Variants in PCSK5 observed in about 807,000 individuals in gnomAD.
PCSK5 encodes the protein prohormone convertase 5.
PCSK5 carries 129 observed loss-of-function variants against 233.2 expected under a neutral mutation model. The ratio of observed to expected loss-of-function variants is 0.55; its 90% confidence interval spans 0.48 to 0.64. The LOEUF (loss-of-function observed/expected upper bound fraction) is 0.64. PCSK5 is among the 30% of genes least tolerant of loss of function. The probability of loss-of-function intolerance (pLI) is 0.00; values close to 1 mark genes in which losing one functional copy is unlikely to be tolerated. For synonymous variants in PCSK5, 825 were observed against 879.2 expected, an observed-to-expected ratio of 0.94 and a Z score of 1.09; for missense variants, 2,076 against 2,430.1, an observed-to-expected ratio of 0.85 and a Z score of 3.06.
Position 75,976,155 on chromosome 9 carries a change from A to G in PCSK5, c.298-9977A>G, listed in dbSNP as rs115644469. Among the ~76,000 whole-genome samples, 1,486 of 152,186 alleles carry G rather than the reference A, an allele frequency of 9.8e-3. 31 individuals are homozygous for G. The highest frequency in any genetic ancestry group is 0.034 in the African/African-American group (1,428 of 41,522). ...GTAAGAACCTGAAATACAAGTTAGAAAATGGAAGGTTTGGGGATATAATCT... is the reference window on the plus strand; with the variant it reads ...GTAAGAACCTGAAATACAAGTTAGAGAATGGAAGGTTTGGGGATATAATCT... On this transcript the variant is annotated intron_variant, in intron 2 of 37. Coordinates refer to ENST00000674117, the MANE Select transcript of PCSK5 (RefSeq NM_001372043.1).
chr9:76,005,892 C>G (rs1827456517), intron 3 of PCSK5, among the ~76,000 whole-genome samples: 1 of 152,082 alleles, frequency 6.6e-6, no homozygotes, highest in Non-Finnish European at 1.5e-5. Context: ...GTCACTCAGG[C>G]TGGAGTGCAG....
chr9:76,203,644 AC>A (rs1252500166), intron 20 of PCSK5, among the ~76,000 whole-genome samples: 2 of 152,100 alleles, frequency 1.3e-5, no homozygotes, highest in Non-Finnish European at 2.9e-5. Flanking sequence ...AGAGCAGAGA[AC>A]CAGCTGAGCC....
At chr9:75,999,093 G>T (rs187776574) in intron 3 of PCSK5, among the ~76,000 whole-genome samples, 16 of 152,076 alleles carry the variant, frequency 1.1e-4, no homozygotes, top group Admixed American at 9.8e-4. Flanking sequence ...TAAGTTCTGG[G>T]TTACATGTGT....
chr9:76,339,041 A>G lies in PCSK5; in HGVS notation c.4966+594A>G, dbSNP rs1190653418. Among the ~76,000 whole-genome samples, 9 of 149,920 alleles carry G rather than the reference A, an allele frequency of 6.0e-5. 1 individual carries two copies. Among genetic ancestry groups the G allele is most frequent in the Non-Finnish European group, 1.3e-4 (9 of 67,622 alleles). On this transcript the variant is annotated intron_variant, in intron 35 of 37. Coordinates refer to ENST00000674117, the MANE Select transcript of PCSK5 (RefSeq NM_001372043.1). ...TTCATTCTCACTACCCTCATCTTCCATTCTCAGTATCTAGTATCACACCTT... is the reference window on the plus strand; with the variant it reads ...TTCATTCTCACTACCCTCATCTTCCGTTCTCAGTATCTAGTATCACACCTT...
chr9:76,091,401 G>A (rs1355093378), intron 7 of PCSK5, among the ~76,000 whole-genome samples: 1 of 152,110 alleles, frequency 6.6e-6, no homozygotes, highest in Non-Finnish European at 1.5e-5. Context: ...CCAGTCCTGT[G>A]CGGCCCCACA....
chr9:75,895,674 C>A (rs1420098221), intron 1 of PCSK5, among the ~76,000 whole-genome samples: 1 of 152,080 alleles, frequency 6.6e-6, no homozygotes, highest in Non-Finnish European at 1.5e-5. Flanking sequence ...TGCGGATGGA[C>A]AAAAGGGAGG....
Position 76,263,006 on chromosome 9 carries a change from C to A in PCSK5, c.3142+22322C>A, listed in dbSNP as rs967478258. Among the ~76,000 whole-genome samples the A allele has an allele frequency of 2.5e-3, 379 of 151,930 alleles. 3 individuals carry two copies. Among genetic ancestry groups the A allele is most frequent in the African/African-American group, 8.5e-3 (351 of 41,412 alleles). On this transcript the variant is annotated intron_variant, in intron 24 of 37. Coordinates refer to ENST00000674117, the MANE Select transcript of PCSK5 (RefSeq NM_001372043.1). ...ACTTCTCAAAAGAAGACATTTATGC[C>A]ACCAAAAAACACATGAAAAAATGCT...
At chr9:76,002,426 T>C (rs1301872481) in intron 3 of PCSK5, among the ~76,000 whole-genome samples, 2 of 152,182 alleles carry the variant, frequency 1.3e-5, no homozygotes, top group Non-Finnish European at 1.5e-5. Flanking sequence ...ACACAATTAC[T>C]GCAAAAATTG....
At chr9:76,229,270 T>C (rs1825999171) in intron 21 of PCSK5, among the ~76,000 whole-genome samples, 2 of 152,248 alleles carry the variant, frequency 1.3e-5, no homozygotes, top group Admixed American at 1.3e-4. Context: ...CAAATGCCAA[T>C]GCATGTTTGG....
In PCSK5 at chr9:76,354,212, C is replaced by T. The variant is rs1388127300; in HGVS notation, c.5247C>T (p.Asp1749=). The stretch of plus-strand genomic sequence containing the variant: ...CCCAGGAGTGCTGTGACTGCCAGGA[C>T]ACCACGGGTGAGGGAAGAGCAAGAG... ...PSAQECCDCQ[D]TTDECILRTS... is the part of the protein sequence containing the mutation. Residue 1749 remains aspartate (D), a synonymous_variant, in exon 37 of 38, where the codon GAC becomes GAT. Transcript: ENST00000674117. 1 of 1,577,204 alleles carries T rather than the reference C, an allele frequency of 6.3e-7. No homozygotes were observed. The highest frequency in any genetic ancestry group is 1.2e-5 in the South Asian group (1 of 85,682).
chr9:76,263,404 T>C (rs1224733319), intron 24 of PCSK5, among the ~76,000 whole-genome samples: 5 of 152,112 alleles, frequency 3.3e-5, no homozygotes, highest in African/African-American at 4.8e-5. Flanking sequence ...ATAGACTGGA[T>C]TAAGAAAATG....
At chr9:76,301,438 TGA>T (rs1828596975) in intron 27 of PCSK5, among the ~76,000 whole-genome samples, 1 of 152,130 alleles carries the variant, frequency 6.6e-6, no homozygotes, top group Non-Finnish European at 1.5e-5. Flanking sequence ...ACAAAGATGT[TGA>T]GAGCAGCTTT....
chr9:76,129,998 G>A (rs771908569), intron 9 of PCSK5, among the ~76,000 whole-genome samples: 2 of 152,070 alleles, frequency 1.3e-5, no homozygotes, highest in Non-Finnish European at 2.9e-5. Flanking sequence ...GCCTGGCTGC[G>A]AACCACATCC....
chr9:75,925,630 G>A (rs1823451821), intron 1 of PCSK5, among the ~76,000 whole-genome samples: 1 of 152,208 alleles, frequency 6.6e-6, no homozygotes, highest in Admixed American at 6.5e-5. Flanking sequence ...TCCCTAAGAA[G>A]GTGGCCTTTG....
chr9:76,303,462 A>G (rs1474610067), intron 28 of PCSK5, among the ~76,000 whole-genome samples: 2 of 152,366 alleles, frequency 1.3e-5, no homozygotes, highest in African/African-American at 4.8e-5. Flanking sequence ...TACAAATATG[A>G]GAAAATTGAT....
At chr9:75,950,758 A>G (rs1029997255) in intron 2 of PCSK5, among the ~76,000 whole-genome samples, 1 of 152,238 alleles carries the variant, frequency 6.6e-6, no homozygotes, top group Non-Finnish European at 1.5e-5. Context: ...AAGACCATCA[A>G]GGCTAGGAAG....
chr9:76,321,536 A>T lies in PCSK5; in HGVS notation c.3999A>T (p.Gly1333=). The T allele has an allele frequency of 6.2e-7, 1 of 1,611,516 alleles. No individual in the cohort carries two copies. The highest frequency in any genetic ancestry group is 8.5e-7 in the Non-Finnish European group (1 of 1,178,644). ...AAGGAGGCCACGTCCTGCACCACGG[A>T]GTGTGCCAGGAAAACTGCCCCGAGA... ...SCEGGHVLHH[G]VCQENCPERH... Residue 1333 remains glycine, a synonymous_variant, in exon 31 of 38, where the codon GGA becomes GGT. Transcript: ENST00000674117.
intron 20 of PCSK5, among the ~76,000 whole-genome samples, chr9:76,226,728 A>G (rs2131308685): frequency 6.6e-6 from 1 of 152,322 alleles, no homozygotes; most frequent in South Asian, 2.1e-4. Flanking sequence ...ATAGCAGGTT[A>G]GGATGAGTGC....
intron 24 of PCSK5, among the ~76,000 whole-genome samples, chr9:76,289,498 CACACACACACACGCAACAT>C (rs1273105726): frequency 3.0e-4 from 40 of 132,134 alleles, no homozygotes; most frequent in African/African-American, 1.2e-3. Flanking sequence ...CACACACACA[CACACACACACACGCAACAT>C]ACACACACAC....
Sources: gnomAD v4.1 joint callset for allele counts (sites outside exome capture counted in the v4.1 genomes callset) on GRCh38, gnomAD v4.1.1 for gene constraint, MANE v1.5 for transcripts, NCBI Gene and HGNC (gene_info 2026-07-23, HGNC 2026-07-21) for gene names.